Variants in GLT1D1 observed in about 807,000 individuals in gnomAD.
GLT1D1 encodes the protein glycosyltransferase 1 domain containing 1.
In GLT1D1, 21 loss-of-function variants were observed where a neutral mutation model predicts 28.7. That is an observed-to-expected ratio of 0.73 (90% confidence interval 0.52 to 1.05). The LOEUF (loss-of-function observed/expected upper bound fraction) is 1.05, where lower values mean the gene tolerates loss of function less well. GLT1D1 is among the 50% of genes least tolerant of loss of function. The pLI, the probability that GLT1D1 is intolerant of heterozygous loss-of-function variation, is 0.00. For missense variants in GLT1D1, 343 were observed against 330.6 expected, an observed-to-expected ratio of 1.04 and a Z score of -0.29; for synonymous variants, 147 against 124.8, an observed-to-expected ratio of 1.18 and a Z score of -1.19.
At position 128,857,383 on chromosome 12, in the gene GLT1D1, G is replaced by A. The variant is rs533499261; in HGVS notation, c.68+3734G>A. ...TCTTTCTTTTCCTGGCTGTGCAGAA[G>A]CAGAATAAAGGCTGCTATTCAGGCT... On this transcript the variant is annotated intron_variant, in intron 1 of 7. Transcript: ENST00000281703. 4.6e-5 allele frequency among the ~76,000 whole-genome samples: 7 copies of A among 152,348 alleles called. No individual in the cohort carries two copies. The South Asian group carries it at 1.4e-3, about 32-fold the overall frequency.
chr12:128,915,861 A>G (rs887750150), intron 4 of GLT1D1, among the ~76,000 whole-genome samples: 1 of 152,160 alleles, frequency 6.6e-6, no homozygotes, highest in Non-Finnish European at 1.5e-5. Flanking sequence ...TCCTTTTTTT[A>G]AAATAATTCT....
intron 1 of GLT1D1, among the ~76,000 whole-genome samples, chr12:128,856,670 T>C (rs906184225): frequency 2.0e-5 from 3 of 152,044 alleles, no homozygotes; most frequent in African/African-American, 7.2e-5. Flanking sequence ...TTGGGGCCAG[T>C]GCTAGGAAAT....
At chr12:128,887,231 G>A (rs1868501271) in intron 2 of GLT1D1, among the ~76,000 whole-genome samples, 1 of 152,028 alleles carries the variant, frequency 6.6e-6, no homozygotes, top group African/African-American at 2.4e-5. Context: ...TGCCCAGGCT[G>A]ATCTCAAACT....
intron 5 of GLT1D1, among the ~76,000 whole-genome samples, chr12:128,946,635 CTTTTTTTTTTT>C (rs61498838): frequency 9.7e-4 from 62 of 64,164 alleles, no homozygotes; most frequent in Admixed American, 1.2e-3. Flanking sequence ...GCCCGGCCTC[CTTTTTTTTTTT>C]TTTTTTTTTT....
intron 4 of GLT1D1, among the ~76,000 whole-genome samples, chr12:128,905,655 A>G (rs1870775005): frequency 6.6e-6 from 1 of 152,100 alleles, no homozygotes; most frequent in Non-Finnish European, 1.5e-5. Flanking sequence ...AGTGTTGTTT[A>G]TATCAGCCTT....
At chr12:128,953,312 T>C (rs1876919924) in intron 6 of GLT1D1, among the ~76,000 whole-genome samples, 1 of 152,150 alleles carries the variant, frequency 6.6e-6, no homozygotes, top group Non-Finnish European at 1.5e-5. Context: ...TGGTTTCCAT[T>C]GAAGCTCAAA....
At chr12:128,937,315 C>T (rs151093982) in intron 4 of GLT1D1, among the ~76,000 whole-genome samples, 49 of 152,226 alleles carry the variant, frequency 3.2e-4, no homozygotes, top group African/African-American at 9.9e-4. Context: ...GTGGGGTCTG[C>T]TGGAAATCAT....
At chr12:128,873,601 G>T (rs1295185418) in intron 1 of GLT1D1, among the ~76,000 whole-genome samples, 2 of 152,078 alleles carry the variant, frequency 1.3e-5, no homozygotes, top group African/African-American at 4.8e-5. Context: ...CTGTTGCATT[G>T]CCCACTAGAG....
At chr12:128,933,080 CTTG>C (rs887111223) in intron 4 of GLT1D1, among the ~76,000 whole-genome samples, 4 of 152,228 alleles carry the variant, frequency 2.6e-5, no homozygotes, top group Admixed American at 6.5e-5. Context: ...GGTGTCTTCG[CTTG>C]TTGTTTGTTT....
intron 4 of GLT1D1, 50 bp downstream of exon 8, chr12:128,927,204 T>A: frequency 7.6e-7 from 1 of 1,317,278 alleles, no homozygotes; most frequent in Non-Finnish European, 1.1e-6. Flanking sequence ...TTCCTCTATA[T>A]ACTTTTTATG....
At position 128,927,120 on chromosome 12, in the gene GLT1D1, A is replaced by C. The variant is rs139447877; in HGVS notation, c.376-18206A>C. 1.5e-3 allele frequency: 2,256 copies of C among 1,535,652 alleles called. 39 individuals carry two copies. In the Admixed American group the frequency reaches 0.034, roughly 23 times the overall value. On this transcript the variant is annotated intron_variant, in intron 4 of 7. Coordinates refer to ENST00000281703, the MANE Select transcript of GLT1D1 (RefSeq NM_144669.3). ...TCTTCCCAAGCCTGGCATCAGGAGG[A>C]GCCCAATGTGCACCTGGTGATTGTG...
chr12:128,953,233 T>C (rs1876911661), intron 6 of GLT1D1, among the ~76,000 whole-genome samples: 1 of 152,250 alleles, frequency 6.6e-6, no homozygotes, highest in Non-Finnish European at 1.5e-5. Flanking sequence ...AAATCTCCTA[T>C]CAGCCTATCA....
intron 4 of GLT1D1, among the ~76,000 whole-genome samples, chr12:128,943,607 AC>A (rs1206422955): frequency 6.6e-6 from 1 of 152,246 alleles, no homozygotes; most frequent in African/African-American, 2.4e-5. Context: ...TTCAAAGGAA[AC>A]AAGTCATCTT....
At position 128,853,791 on chromosome 12, in the gene GLT1D1, G is replaced by T. The variant is rs1034229157; in HGVS notation, c.68+142G>T. 7 of 482,824 alleles carry T rather than the reference G, an allele frequency of 1.4e-5. No homozygotes were observed. In the African/African-American group the frequency reaches 1.5e-4, roughly 10 times the overall value. 29.9% of individuals were successfully genotyped at this position (482,824 alleles called of 1,614,324 possible). A position where few individuals can be genotyped will look rare whatever the true frequency, so the allele number is the denominator to read the frequency against. On this transcript the variant is annotated intron_variant, in intron 1 of 7. Transcript: ENST00000281703. ...CCGAGCCGCGCGCACAAACGGATGG[G>T]CCGGTGCCGCCTGCCGGGCGCGCGG...
chr12:128,961,816 T>C (rs538638785), intron 7 of GLT1D1, among the ~76,000 whole-genome samples: 1 of 152,320 alleles, frequency 6.6e-6, no homozygotes, highest in African/African-American at 2.4e-5. Flanking sequence ...ACCAGCTATC[T>C]GGACATCCCT....
intron 2 of GLT1D1, among the ~76,000 whole-genome samples, chr12:128,883,908 A>G (rs1387354226): frequency 6.6e-6 from 1 of 152,226 alleles, no homozygotes; most frequent in Non-Finnish European, 1.5e-5. Context: ...ATGGCATGAC[A>G]TAGAAGGGAA....
At chr12:128,888,039 G>C (rs186033553) in intron 2 of GLT1D1, among the ~76,000 whole-genome samples, 97 of 152,292 alleles carry the variant, frequency 6.4e-4, no homozygotes, top group Non-Finnish European at 1.1e-3. Flanking sequence ...ATCCGCACAG[G>C]ACGCGTCACT....
chr12:128,879,381 T>TC (rs1566096266), intron 2 of GLT1D1, among the ~76,000 whole-genome samples: 12 of 29,282 alleles, frequency 4.1e-4, no homozygotes, highest in Non-Finnish European at 5.5e-4. Flanking sequence ...TTTTTCTTTT[T>TC]CTTTCTTTCT....
chr12:128,974,615 G>A (rs1486715354), intron 7 of GLT1D1, among the ~76,000 whole-genome samples: 1 of 152,196 alleles, frequency 6.6e-6, no homozygotes, highest in African/African-American at 2.4e-5. Flanking sequence ...ACTCCTGTCT[G>A]AACTGATGTG....
Sources: gnomAD v4.1 joint callset for allele counts (sites outside exome capture counted in the v4.1 genomes callset) on GRCh38, gnomAD v4.1.1 for gene constraint, MANE v1.5 for transcripts, NCBI Gene and HGNC (gene_info 2026-07-23, HGNC 2026-07-21) for gene names.